Variants in GPR39 observed in about 807,000 individuals in gnomAD.
GPR39 encodes the protein zinc sensing receptor.
Under a neutral mutation model 18.4 loss-of-function variants are expected in GPR39, and 23 were observed. That is an observed-to-expected ratio of 1.25 (90% confidence interval 0.90 to 1.77). The LOEUF (loss-of-function observed/expected upper bound fraction) is 1.77, where lower values mean the gene tolerates loss of function less well. GPR39 is among the 40% of genes most tolerant of loss of function. The probability of loss-of-function intolerance (pLI) is 0.00; values close to 1 mark genes in which losing one functional copy is unlikely to be tolerated. For synonymous variants in GPR39, 280 were observed against 257.9 expected (o/e 1.09, Z -0.82); for missense variants, 647 against 602.4 (o/e 1.07, Z -0.78).
At chr2:132,590,439 G>A (rs1260309139) in intron 1 of GPR39, among the ~76,000 whole-genome samples, 2 of 152,074 alleles carry the variant, frequency 1.3e-5, no homozygotes, top group Non-Finnish European at 2.9e-5. Flanking sequence ...GGTTTCCTGT[G>A]TGACCTTAGA....
At chr2:132,448,545 A>G (rs1680578531) in intron 1 of GPR39, among the ~76,000 whole-genome samples, 1 of 152,174 alleles carries the variant, frequency 6.6e-6, no homozygotes, top group African/African-American at 2.4e-5. Flanking sequence ...TGGCTTCCTT[A>G]ACGGCTTTCT....
intron 1 of GPR39, among the ~76,000 whole-genome samples, chr2:132,587,071 T>A (rs1048124961): frequency 2.6e-5 from 4 of 152,224 alleles, no homozygotes; most frequent in African/African-American, 4.8e-5. Flanking sequence ...TTTCCACAGT[T>A]AAAATTTGTA....
chr2:132,577,144 C>T (rs543922351), intron 1 of GPR39, among the ~76,000 whole-genome samples: 2 of 151,730 alleles, frequency 1.3e-5, no homozygotes, highest in Admixed American at 6.6e-5. Flanking sequence ...ATCACTTGAG[C>T]TCAGGAGTTC....
At chr2:132,488,203 A>G (rs536615270) in intron 1 of GPR39, among the ~76,000 whole-genome samples, 1 of 152,330 alleles carries the variant, frequency 6.6e-6, no homozygotes, top group East Asian at 1.9e-4. Flanking sequence ...GGAAAAATCA[A>G]GTTGTAAACT....
chr2:132,553,264 C>T (rs1680082868), intron 1 of GPR39, among the ~76,000 whole-genome samples: 1 of 150,818 alleles, frequency 6.6e-6, no homozygotes, highest in Non-Finnish European at 1.5e-5. Flanking sequence ...GTCCTGGAAC[C>T]AATCCCCCTC....
intron 1 of GPR39, among the ~76,000 whole-genome samples, chr2:132,513,759 G>A (rs1255126353): frequency 6.6e-6 from 1 of 152,274 alleles, no homozygotes; most frequent in East Asian, 1.9e-4. Context: ...CCCCCCGAGT[G>A]GGAGTGCAGT....
intron 1 of GPR39, among the ~76,000 whole-genome samples, chr2:132,566,429 G>T (rs1038410358): frequency 2.6e-5 from 4 of 151,968 alleles, no homozygotes; most frequent in Non-Finnish European, 5.9e-5. Context: ...GTCAATTTTG[G>T]CTTTTGTTGC....
rs552064874 is a variant in GPR39, at chr2:132,591,245, G to A, written c.857-53856G>A. ...CGCAGTCCGGCCTGGGCGACAGAGC[G>A]AGACTCCGTCTCAAAAAAAAAAAAA... is the stretch of plus-strand genomic sequence containing the variant. On this transcript the variant is annotated intron_variant, in intron 1 of 1. Coordinates refer to ENST00000329321, the MANE Select transcript of GPR39 (RefSeq NM_001508.3). Among the ~76,000 whole-genome samples the A allele has an allele frequency of 5.7e-3, 724 of 126,984 alleles. 5 individuals carry two copies. Among genetic ancestry groups the A allele is most frequent in the African/African-American group, 0.017 (551 of 33,074 alleles). The allele number at this position is 126,984 out of a possible 152,430, so 83.3% of individuals were successfully genotyped here.
At chr2:132,643,134 A>T (rs937825675) in intron 1 of GPR39, among the ~76,000 whole-genome samples, 1 of 152,184 alleles carries the variant, frequency 6.6e-6, no homozygotes, top group African/African-American at 2.4e-5. Context: ...TGTTGTTCCT[A>T]TCCAGCATCT....
chr2:132,535,693 GGC>G (rs1679742496), intron 1 of GPR39, among the ~76,000 whole-genome samples: 1 of 66,098 alleles, frequency 1.5e-5, no homozygotes, highest in Admixed American at 1.5e-4. Flanking sequence ...TCTGGTCCTG[GGC>G]TTTTTTTTTT....
chr2:132,461,171 A>G (rs1261772549), intron 1 of GPR39, among the ~76,000 whole-genome samples: 1 of 152,190 alleles, frequency 6.6e-6, no homozygotes, highest in Non-Finnish European at 1.5e-5. Context: ...GCAGATAAGG[A>G]AAATGGGATG....
In GPR39 at chr2:132,619,976, G is replaced by T. The variant is rs990900880; in HGVS notation, c.857-25125G>T. 3.3e-5 allele frequency among the ~76,000 whole-genome samples: 5 copies of T among 152,146 alleles called. No homozygotes were observed. In the East Asian group the frequency reaches 7.8e-4, roughly 24 times the overall value. Reference sequence around the variant, plus strand: ...CCTGCTCACCAGCCCCTTCACCTGCGCAAATCTCTGCCCTTTCTCGTGCTA... The same window carrying T: ...CCTGCTCACCAGCCCCTTCACCTGCTCAAATCTCTGCCCTTTCTCGTGCTA... On this transcript the variant is annotated intron_variant, in intron 1 of 1. Coordinates refer to ENST00000329321, the MANE Select transcript of GPR39 (RefSeq NM_001508.3).
chr2:132,591,613 T>TG (rs1409317133), intron 1 of GPR39, among the ~76,000 whole-genome samples: 3 of 152,210 alleles, frequency 2.0e-5, no homozygotes, highest in Non-Finnish European at 4.4e-5. Flanking sequence ...CTATTAGCTT[T>TG]GTCCCTCTAG....
chr2:132,609,775 C>G (rs1168791816), intron 1 of GPR39, among the ~76,000 whole-genome samples: 2 of 152,150 alleles, frequency 1.3e-5, no homozygotes, highest in African/African-American at 4.8e-5. Context: ...AAATCTGGGT[C>G]CCAGTCTTTC....
chr2:132,617,864 T>C (rs1001236046), intron 1 of GPR39, among the ~76,000 whole-genome samples: 1 of 152,296 alleles, frequency 6.6e-6, no homozygotes, highest in African/African-American at 2.4e-5. Context: ...TGTGTGATAC[T>C]TAGAAGTAAT....
At chr2:132,509,767 C>T (rs765884126) in intron 1 of GPR39, among the ~76,000 whole-genome samples, 31 of 152,142 alleles carry the variant, frequency 2.0e-4, no homozygotes, top group South Asian at 8.3e-4. Flanking sequence ...GGGACCCAGG[C>T]ACCATTAGTT....
At chr2:132,490,702 G>T (rs1282633004) in intron 1 of GPR39, among the ~76,000 whole-genome samples, 3 of 151,904 alleles carry the variant, frequency 2.0e-5, no homozygotes, top group African/African-American at 7.3e-5. Flanking sequence ...GCCAGATGAT[G>T]TGGGCACAGG....
chr2:132,437,829 G>C (rs1233139373), intron 1 of GPR39, among the ~76,000 whole-genome samples: 1 of 152,200 alleles, frequency 6.6e-6, no homozygotes, highest in Non-Finnish European at 1.5e-5. Context: ...GCTGTATGTA[G>C]GGAGCATAGA....
At chr2:132,614,739 A>C (rs1013966865) in intron 1 of GPR39, among the ~76,000 whole-genome samples, 1 of 151,708 alleles carries the variant, frequency 6.6e-6, no homozygotes, top group Admixed American at 6.6e-5. Context: ...TTTAGTAGAG[A>C]TGGGGTTTTA....
Sources: allele counts gnomAD v4.1 joint callset (sites outside exome capture counted in the v4.1 genomes callset), GRCh38; gene constraint gnomAD v4.1.1; transcripts MANE v1.5; gene names NCBI Gene and HGNC (gene_info 2026-07-23, HGNC 2026-07-21).